Variants in GPC5 observed in about 807,000 individuals in gnomAD.
The protein encoded by GPC5 is glypican-5.
Under a neutral mutation model 53.9 loss-of-function variants are expected in GPC5, and 47 were observed. The observed-to-expected ratio is 0.87, with a 90% CI of 0.69 to 1.11. The LOEUF (loss-of-function observed/expected upper bound fraction) is 1.11, where lower values mean the gene tolerates loss of function less well. Among genes scored for constraint, GPC5 ranks in the 50% most tolerant of loss-of-function variants. GPC5 has a pLI of 0.00. For missense variants in GPC5, 748 were observed against 713.1 expected (o/e 1.05, Z -0.56); for synonymous variants, 286 against 263.3 (o/e 1.09, Z -0.84).
chr13:91,520,179 T>G (rs1423334325), intron 2 of GPC5, among the ~76,000 whole-genome samples: 2 of 152,116 alleles, frequency 1.3e-5, no homozygotes, highest in African/African-American at 4.8e-5. Context: ...TGGGGTGAAA[T>G]ATAAATTGAT....
chr13:92,836,435 T>A (rs1314761628), intron 7 of GPC5, among the ~76,000 whole-genome samples: 3 of 152,088 alleles, frequency 2.0e-5, no homozygotes, highest in Non-Finnish European at 4.4e-5. Flanking sequence ...AACAAAAAAA[T>A]CATCTTATTC....
chr13:91,472,861 CA>C (rs1283999701), intron 2 of GPC5, among the ~76,000 whole-genome samples: 1 of 152,070 alleles, frequency 6.6e-6, no homozygotes, highest in Non-Finnish European at 1.5e-5. Flanking sequence ...AACTTGTTAT[CA>C]TTTTTTTCTG....
At chr13:92,592,161 C>T (rs764590464) in intron 7 of GPC5, among the ~76,000 whole-genome samples, 7 of 152,190 alleles carry the variant, frequency 4.6e-5, no homozygotes, top group Non-Finnish European at 8.8e-5. Context: ...GTAACCTTCG[C>T]TTATATTTCA....
chr13:92,091,610 C>T (rs1448021898), intron 6 of GPC5, among the ~76,000 whole-genome samples: 1 of 151,986 alleles, frequency 6.6e-6, no homozygotes. Flanking sequence ...TAACATAGTA[C>T]AAACCTATAG....
Position 91,992,289 on chromosome 13 carries a change from G to A in GPC5, c.1401+84232G>A, listed in dbSNP as rs185785168. Among the ~76,000 whole-genome samples, 88 of 151,956 alleles carry A rather than the reference G, an allele frequency of 5.8e-4. 1 individual carries two copies. The highest frequency in any genetic ancestry group is 1.4e-3 in the African/African-American group (58 of 41,456). On this transcript the variant is annotated intron_variant, in intron 6 of 7. Transcript: ENST00000377067. ...CTCAATCCATCCTCCCACCTCAGCC[G>A]CCAAAAATACTGGGATTATAGGTGC...
chr13:91,933,680 C>T (rs1412541000), intron 6 of GPC5, among the ~76,000 whole-genome samples: 2 of 151,858 alleles, frequency 1.3e-5, no homozygotes, highest in African/African-American at 4.8e-5. Context: ...TCATTGTTTG[C>T]ACACTATACC....
chr13:91,958,808 A>T (rs564152499), intron 6 of GPC5, among the ~76,000 whole-genome samples: 1 of 152,200 alleles, frequency 6.6e-6, no homozygotes, highest in South Asian at 2.1e-4. Context: ...TAAGGAGGAA[A>T]TAACAAAGTT....
chr13:91,941,117 A>G (rs1426240014), intron 6 of GPC5, among the ~76,000 whole-genome samples: 1 of 151,974 alleles, frequency 6.6e-6, no homozygotes, highest in Non-Finnish European at 1.5e-5. Context: ...TATGATTTTT[A>G]TGGCTTGTTT....
chr13:92,098,494 G>T (rs2138907638), intron 6 of GPC5, among the ~76,000 whole-genome samples: 1 of 152,198 alleles, frequency 6.6e-6, no homozygotes, highest in Middle Eastern at 3.4e-3. Context: ...GACCATTTAA[G>T]GAATTGAAAT....
chr13:92,026,115 G>A lies in GPC5; in HGVS notation c.1401+118058G>A, dbSNP rs550900246. ...ACAAGGGGATCAAAGAACTAAGAAT[G>A]TTTTTCCAGCATACCTGTCTTTCCT... On this transcript the variant is annotated intron_variant, in intron 6 of 7. Coordinates refer to ENST00000377067, the MANE Select transcript of GPC5 (RefSeq NM_004466.6). Among the ~76,000 whole-genome samples, 4 of 152,136 alleles carry A rather than the reference G, an allele frequency of 2.6e-5. No individual in the cohort carries two copies. In the Middle Eastern group the frequency reaches 0.014, roughly 517 times the overall value.
chr13:92,326,348 A>G (rs867239456), intron 7 of GPC5, among the ~76,000 whole-genome samples: 1 of 152,068 alleles, frequency 6.6e-6, no homozygotes, highest in Non-Finnish European at 1.5e-5. Context: ...TATAGAACCT[A>G]CATGTATATA....
intron 7 of GPC5, among the ~76,000 whole-genome samples, chr13:92,791,084 A>C (rs1056595648): frequency 2.0e-5 from 3 of 152,104 alleles, no homozygotes; most frequent in African/African-American, 7.2e-5. Flanking sequence ...TTCAACAGTC[A>C]GTTAGAATAA....
At chr13:91,596,478 A>G (rs945103528) in intron 2 of GPC5, among the ~76,000 whole-genome samples, 3 of 152,090 alleles carry the variant, frequency 2.0e-5, no homozygotes, top group Admixed American at 6.6e-5. Flanking sequence ...GCTTTGACGT[A>G]TTGGTTTTTC....
chr13:92,127,149 G>A (rs567378624), intron 6 of GPC5, among the ~76,000 whole-genome samples: 11 of 152,096 alleles, frequency 7.2e-5, no homozygotes, highest in African/African-American at 1.9e-4. Context: ...AGGAAACAGC[G>A]AAAAACCAGT....
Position 91,412,748 on chromosome 13 carries a change from A to T in GPC5, c.163+13539A>T, listed in dbSNP as rs116608327. Among the ~76,000 whole-genome samples the T allele has an allele frequency of 4.7e-3, 721 of 152,348 alleles. 4 individuals are homozygous for T. The highest frequency in any genetic ancestry group is 0.017 in the African/African-American group (690 of 41,588). ...GAGCATTCTCATCTACAAACACTGA[A>T]AAAGAAGGCTGATAAAGACTGTCTC... On this transcript the variant is annotated intron_variant, in intron 1 of 7. Transcript: ENST00000377067.
intron 5 of GPC5, among the ~76,000 whole-genome samples, chr13:91,840,828 T>A (rs1446792279): frequency 6.6e-6 from 1 of 151,848 alleles, no homozygotes; most frequent in Non-Finnish European, 1.5e-5. Flanking sequence ...TTGGGACATA[T>A]TCCTGAATTA....
chr13:92,146,849 T>C (rs1207275676), intron 7 of GPC5, among the ~76,000 whole-genome samples: 1 of 152,112 alleles, frequency 6.6e-6, no homozygotes, highest in Admixed American at 6.6e-5. Context: ...TTCATTCCCT[T>C]TATGGCTGAA....
chr13:92,415,666 C>T (rs1876253612), intron 7 of GPC5, among the ~76,000 whole-genome samples: 2 of 134,406 alleles, frequency 1.5e-5, no homozygotes, highest in East Asian at 2.5e-4. Context: ...AGGAAGGTTC[C>T]AGCTGGAGGT....
chr13:91,667,533 T>C (rs1474709601), intron 2 of GPC5, among the ~76,000 whole-genome samples: 2 of 152,186 alleles, frequency 1.3e-5, no homozygotes, highest in African/African-American at 4.8e-5. Context: ...TAGATGCAAC[T>C]TGAAACTCCA....
Sources: gnomAD v4.1 joint callset for allele counts (sites outside exome capture counted in the v4.1 genomes callset) on GRCh38, gnomAD v4.1.1 for gene constraint, MANE v1.5 for transcripts, NCBI Gene and HGNC (gene_info 2026-07-23, HGNC 2026-07-21) for gene names.